Variants in PHACTR3 observed in about 807,000 individuals in gnomAD.
PHACTR3 encodes protein phosphatase 1, regulatory subunit 123.
Under a neutral mutation model 66.8 loss-of-function variants are expected in PHACTR3, and 16 were observed. The observed-to-expected ratio is 0.24, with a 90% CI of 0.16 to 0.36. The LOEUF is 0.36. PHACTR3 is among the 10% of genes least tolerant of loss of function. The pLI is 1.00. For missense variants in PHACTR3, 647 were observed against 719.9 expected (o/e 0.90, Z 1.16); for synonymous variants, 323 against 292.1 (o/e 1.11, Z -1.08).
intron 8 of PHACTR3, among the ~76,000 whole-genome samples, chr20:59,807,266 T>A (rs2041597068): frequency 6.6e-6 from 1 of 152,220 alleles, no homozygotes. Context: ...GCTTTTTATA[T>A]TTTTCAATTT....
chr20:59,657,257 TTGTGTGTGTGTGTGTG>T (rs112043545), intron 1 of PHACTR3, among the ~76,000 whole-genome samples: 1 of 150,102 alleles, frequency 6.7e-6, no homozygotes, highest in African/African-American at 2.4e-5. Flanking sequence ...TAGAAGTGTG[TTGTGTGTGTGTGTGTG>T]TGTGTGTGTG....
chr20:59,687,201 C>T (rs957150059), intron 1 of PHACTR3, among the ~76,000 whole-genome samples: 12 of 138,940 alleles, frequency 8.6e-5, no homozygotes, highest in South Asian at 2.4e-4. Context: ...CGATGATGAT[C>T]ATGGCAGTGA....
chr20:59,805,250 G>A (rs2146995483), intron 7 of PHACTR3, among the ~76,000 whole-genome samples: 1 of 152,292 alleles, frequency 6.6e-6, no homozygotes, highest in African/African-American at 2.4e-5. Flanking sequence ...TCACTCAGCT[G>A]ATTCCAGACA....
intron 1 of PHACTR3, among the ~76,000 whole-genome samples, chr20:59,676,271 G>C (rs945989262): frequency 6.6e-6 from 1 of 152,230 alleles, no homozygotes; most frequent in South Asian, 2.1e-4. Flanking sequence ...TCAGGACTTT[G>C]GTTCAGGTGG....
chr20:59,658,594 T>C (rs2035702669), intron 1 of PHACTR3, among the ~76,000 whole-genome samples: 3 of 152,174 alleles, frequency 2.0e-5, no homozygotes, highest in South Asian at 4.1e-4. Flanking sequence ...CTTGAGATGA[T>C]AGTAGTTTTA....
At chr20:59,718,564 G>GAA (rs11481022) in intron 1 of PHACTR3, among the ~76,000 whole-genome samples, 37 of 143,692 alleles carry the variant, frequency 2.6e-4, no homozygotes, top group Non-Finnish European at 2.0e-4. Flanking sequence ...TGATGCTATA[G>GAA]AAAAAAAAAA....
intron 1 of PHACTR3, among the ~76,000 whole-genome samples, chr20:59,696,761 C>T (rs913638278): frequency 1.4e-4 from 22 of 152,142 alleles, no homozygotes; most frequent in Non-Finnish European, 2.8e-4. Flanking sequence ...AGCATTTGAC[C>T]ATTTGAGGCT....
At position 59,841,927 on chromosome 20, in the gene PHACTR3, T is replaced by C. The variant is rs891241768; in HGVS notation, c.1587+392T>C. ...CTTGGTATAAGGGATAAATCAAAGGTGGGCAAGGCTGCCATAAGAGATCAA... is the reference window on the plus strand; with the variant it reads ...CTTGGTATAAGGGATAAATCAAAGGCGGGCAAGGCTGCCATAAGAGATCAA... On this transcript the variant is annotated intron_variant, in intron 11 of 12. Coordinates refer to ENST00000371015, the MANE Select transcript of PHACTR3 (RefSeq NM_080672.5). Among the ~76,000 whole-genome samples, 18 of 152,156 alleles carry C rather than the reference T, an allele frequency of 1.2e-4. No individual in the cohort carries two copies. In the East Asian group the frequency reaches 1.5e-3, roughly 13 times the overall value.
chr20:59,847,418 T>C lies in PHACTR3; in HGVS notation c.*288T>C, dbSNP rs918240739. 1 of 308,378 alleles carries C rather than the reference T, an allele frequency of 3.2e-6. No individual in the cohort carries two copies. The highest frequency in any genetic ancestry group is 6.2e-6 in the Non-Finnish European group (1 of 162,440). 19.1% of individuals were successfully genotyped at this position (308,378 alleles called of 1,614,324 possible). On this transcript the variant is annotated 3_prime_UTR_variant, in exon 13 of 13. Coordinates refer to ENST00000371015, the MANE Select transcript of PHACTR3 (RefSeq NM_080672.5). ...AACTGTTGTTTGCCTTTCAACCTTG[T>C]TTTACAGTTCTGCAGTGTAATGGAG...
intron 1 of PHACTR3, among the ~76,000 whole-genome samples, chr20:59,730,929 C>G (rs2038739337): frequency 6.6e-6 from 1 of 152,136 alleles, no homozygotes; most frequent in Non-Finnish European, 1.5e-5. Flanking sequence ...TTGCCAATTC[C>G]TGACCTAAGC....
intron 1 of PHACTR3, among the ~76,000 whole-genome samples, chr20:59,670,612 G>GGGT (rs375727870): frequency 7.4e-6 from 1 of 135,408 alleles, no homozygotes; most frequent in South Asian, 2.9e-4. Context: ...GGGTGGGGGG[G>GGGT]GGGGGCAGGC....
chr20:59,639,963 A>G (rs1481439679), intron 1 of PHACTR3, among the ~76,000 whole-genome samples: 1 of 152,178 alleles, frequency 6.6e-6, no homozygotes, highest in Non-Finnish European at 1.5e-5. Flanking sequence ...AGGCTTTCCT[A>G]GTTCCAATTC....
chr20:59,794,456 G>T (rs932639677), intron 7 of PHACTR3, among the ~76,000 whole-genome samples: 1 of 152,022 alleles, frequency 6.6e-6, no homozygotes, highest in Non-Finnish European at 1.5e-5. Context: ...CTATTATTTT[G>T]TTGAGGATTT....
chr20:59,778,628 A>C (rs2040619189), intron 7 of PHACTR3, among the ~76,000 whole-genome samples: 1 of 152,232 alleles, frequency 6.6e-6, no homozygotes, highest in Admixed American at 6.5e-5. Context: ...CCGCGAGACC[A>C]AGTCTTCGCC....
At chr20:59,651,202 G>A (rs984758887) in intron 1 of PHACTR3, among the ~76,000 whole-genome samples, 2 of 152,178 alleles carry the variant, frequency 1.3e-5, no homozygotes, top group Non-Finnish European at 2.9e-5. Context: ...TTCAGCCTGG[G>A]TGAGAGTGAG....
At chr20:59,707,074 C>T (rs1453568720) in intron 1 of PHACTR3, among the ~76,000 whole-genome samples, 1 of 152,188 alleles carries the variant, frequency 6.6e-6, no homozygotes, top group Admixed American at 6.5e-5. Context: ...TGAAGAGAGG[C>T]ATTGATTGGT....
intron 1 of PHACTR3, among the ~76,000 whole-genome samples, chr20:59,591,874 A>G (rs2033191573): frequency 6.6e-6 from 1 of 152,172 alleles, no homozygotes; most frequent in African/African-American, 2.4e-5. Context: ...AGAATACAGT[A>G]GGATGTAAGG....
rs188240636 is a variant in PHACTR3 at position 59,791,904 on chromosome 20, A to G, written c.1175-14137A>G. ...GTGCTACTGGTTTCTTATCTGTCCC[A>G]TTGGGGCTGTTTTATGCTTATACAA... On this transcript the variant is annotated intron_variant, in intron 7 of 12. Transcript: ENST00000371015. Among the ~76,000 whole-genome samples the G allele has an allele frequency of 4.3e-3, 649 of 152,140 alleles. 3 individuals carry two copies. Among genetic ancestry groups the G allele is most frequent in the African/African-American group, 0.015 (610 of 41,490 alleles).
intron 1 of PHACTR3, among the ~76,000 whole-genome samples, chr20:59,699,760 G>A (rs1185179539): frequency 1.3e-5 from 2 of 152,062 alleles, no homozygotes; most frequent in African/African-American, 2.4e-5. Flanking sequence ...TCAAGAGATC[G>A]AGACCAGCCT....
Sources: gnomAD v4.1 joint callset for allele counts (sites outside exome capture counted in the v4.1 genomes callset) on GRCh38, gnomAD v4.1.1 for gene constraint, MANE v1.5 for transcripts, NCBI Gene and HGNC (gene_info 2026-07-23, HGNC 2026-07-21) for gene names.